The following APTX variants were observed in gnomAD, a reference collection of about 807,000 sequenced individuals.
APTX encodes the protein forkhead-associated domain histidine triad-like protein.
In APTX, 33 loss-of-function variants were observed where a neutral mutation model predicts 42.3. That is an observed-to-expected ratio of 0.78 (90% CI 0.59 to 1.04). APTX has a LOEUF of 1.04. Among genes scored for constraint, APTX ranks in the 50% least tolerant of loss-of-function variants. The probability of loss-of-function intolerance (pLI) is 0.00; values close to 1 mark genes in which losing one functional copy is unlikely to be tolerated. For synonymous variants in APTX, 130 were observed against 146.7 expected, an observed-to-expected ratio of 0.89 and a Z score of 0.82; for missense variants, 421 against 415.1, an observed-to-expected ratio of 1.01 and a Z score of -0.12.
At chr9:33,001,095 C>T (rs912378391) in intron 1 of APTX, among the ~76,000 whole-genome samples, 22 of 152,150 alleles carry the variant, frequency 1.4e-4, no homozygotes, top group Admixed American at 1.4e-3. Flanking sequence ...GATCCGCCCG[C>T]CTCGGCCTCC....
intron 2 of APTX, 54 bp from the exon 3 acceptor site, chr9:32,988,183 G>A: frequency 6.5e-7 from 1 of 1,527,652 alleles, no homozygotes. Context: ...CCAGGCACTT[G>A]CTCCTATCTT....
chr9:33,005,430 T>C (rs1470003325), upstream of APTX, among the ~76,000 whole-genome samples: 1 of 150,406 alleles, frequency 6.6e-6, no homozygotes, highest in African/African-American at 2.5e-5. Flanking sequence ...ATTTTTTTGT[T>C]TTTTGTTTTT....
rs1256780660 is a variant in APTX at position 32,986,039 on chromosome 9, A to AC, written c.484-10_484-9insG. The AC allele has an allele frequency of 3.0e-6, 2 of 658,240 alleles. No individual in the cohort carries two copies. The highest frequency in any genetic ancestry group is 5.3e-5 in the African/African-American group (2 of 37,562). 40.8% of individuals were successfully genotyped at this position (658,240 alleles called of 1,614,324 possible). ...CAGTGGCCCAGGGATTCCTAAAAAAAAAACAAAAAAAAAAACAAAAAAAAA... is the reference window on the plus strand; with the variant it reads ...CAGTGGCCCAGGGATTCCTAAAAAAACAAACAAAAAAAAAAACAAAAAAAAA... On this transcript the variant is annotated splice_polypyrimidine_tract_variant and intron_variant, in intron 4 of 7. Transcript: ENST00000379817.
chr9:32,986,500 T>C (rs1232008623), intron 4 of APTX, among the ~76,000 whole-genome samples: 1 of 151,084 alleles, frequency 6.6e-6, no homozygotes, highest in Non-Finnish European at 1.5e-5. Flanking sequence ...CCCGACCCTA[T>C]ATTCTTTCTT....
At chr9:33,017,928 G>GCCCCCCCCCCCCCCCC (rs59841021) in intron 1 of APTX, among the ~76,000 whole-genome samples, 2 of 70,798 alleles carry the variant, frequency 2.8e-5, no homozygotes, top group African/African-American at 6.0e-5. Flanking sequence ...AGCAACCAGC[G>GCCCCCCCCCCCCCCCC]CCCCCCCCCC....
chr9:33,009,292 C>A (rs1327246213), intron 1 of APTX, among the ~76,000 whole-genome samples: 1 of 152,138 alleles, frequency 6.6e-6, no homozygotes, highest in East Asian at 1.9e-4. Flanking sequence ...CACAGGAATG[C>A]CTTCTAACTT....
At chr9:33,024,351 C>CTG (rs1174937840) in intron 1 of APTX, among the ~76,000 whole-genome samples, 1 of 152,240 alleles carries the variant, frequency 6.6e-6, no homozygotes, top group African/African-American at 2.4e-5. Context: ...GACATACCTG[C>CTG]TGTGTCCCTG....
upstream of APTX, among the ~76,000 whole-genome samples, chr9:33,004,482 T>C (rs1396847925): frequency 6.6e-6 from 1 of 152,250 alleles, no homozygotes; most frequent in Non-Finnish European, 1.5e-5. Flanking sequence ...TTTGAATATA[T>C]ACACAGAAGT....
intron 1 of APTX, among the ~76,000 whole-genome samples, chr9:33,019,207 TTAAATA>T (rs922254900): frequency 2.6e-5 from 4 of 152,124 alleles, no homozygotes; most frequent in East Asian, 1.9e-4. Context: ...AAAACTATTC[TTAAATA>T]TAAAGTTCAG....
intron 1 of APTX, among the ~76,000 whole-genome samples, chr9:32,992,788 T>TA (rs1164746751): frequency 6.6e-6 from 1 of 152,118 alleles, no homozygotes. Flanking sequence ...GCTGTTAATA[T>TA]AACGTGAGCC....
At chr9:32,985,872 G>T in intron 5 of APTX, 99 bp downstream of exon 5, 1 of 1,138,834 alleles carries the variant, frequency 8.8e-7, no homozygotes, top group Non-Finnish European at 1.3e-6. Flanking sequence ...ATCTCATTCA[G>T]AAAGACTGAT....
At chr9:32,984,558 A>T in intron 6 of APTX, 73 bp downstream of exon 6, 2 of 1,493,198 alleles carry the variant, frequency 1.3e-6, no homozygotes, top group Non-Finnish European at 1.9e-6. Flanking sequence ...ATGTGCCCTC[A>T]GCAAGCCCAG....
At chr9:33,011,362 A>G (rs908312241) in intron 1 of APTX, among the ~76,000 whole-genome samples, 2 of 150,972 alleles carry the variant, frequency 1.3e-5, no homozygotes, top group Admixed American at 6.6e-5. Flanking sequence ...ATCTTGGCTC[A>G]CTGCAACCTC....
At chr9:33,001,819 T>C (rs971839693), upstream of APTX, among the ~76,000 whole-genome samples, 1 of 152,214 alleles carries the variant, frequency 6.6e-6, no homozygotes, top group Non-Finnish European at 1.5e-5. Flanking sequence ...TCTCAGCATC[T>C]CTCTGCCTGA....
intron 5 of APTX, 117 bp downstream of exon 5, chr9:32,985,854 T>C: frequency 1.0e-6 from 1 of 985,992 alleles, no homozygotes; most frequent in Non-Finnish European, 1.6e-6. Flanking sequence ...AACAGCCCAA[T>C]AAAATGAATC....
intron 1 of APTX, among the ~76,000 whole-genome samples, chr9:33,000,644 AAAAG>A (rs370444949): frequency 0.066 from 9,704 of 147,570 alleles, 431 homozygotes; most frequent in Non-Finnish European, 0.1. Flanking sequence ...AAAAAAAAAA[AAAAG>A]AAAAGAAAAG....
chr9:32,991,967 A>G (rs1429051514), intron 1 of APTX, among the ~76,000 whole-genome samples: 6 of 152,180 alleles, frequency 3.9e-5, no homozygotes, highest in African/African-American at 1.2e-4. Context: ...TCAAGCTGTG[A>G]TATGTGGGTA....
chr9:32,992,459 A>G (rs1289600047), intron 1 of APTX, among the ~76,000 whole-genome samples: 1 of 152,232 alleles, frequency 6.6e-6, no homozygotes, highest in African/African-American at 2.4e-5. Context: ...CTGATAAAGA[A>G]GAAATGGAGT....
At chr9:32,987,305 C>A (rs1276315179) in intron 4 of APTX, among the ~76,000 whole-genome samples, 1 of 152,180 alleles carries the variant, frequency 6.6e-6, no homozygotes, top group East Asian at 1.9e-4. Flanking sequence ...TTTAGTTGTT[C>A]AATGTTAAGT....
Sources: gnomAD v4.1 joint callset for allele counts (sites outside exome capture counted in the v4.1 genomes callset) on GRCh38, gnomAD v4.1.1 for gene constraint, MANE v1.5 for transcripts, NCBI Gene and HGNC (gene_info 2026-07-23, HGNC 2026-07-21) for gene names.